PVT1: variants seen among roughly 807,000 people sequenced by gnomAD.
The protein encoded by PVT1 is Pvt1 oncogene.
chr8:127,907,740 C>A (rs1280176690), intron 3 of PVT1, among the ~76,000 whole-genome samples: 1 of 152,192 alleles, frequency 6.6e-6, no homozygotes, highest in African/African-American at 2.4e-5. Flanking sequence ...TCCACGAAAT[C>A]CTCACCGTTT....
intron 3 of PVT1, among the ~76,000 whole-genome samples, chr8:127,946,402 C>T (rs1816421452): frequency 6.6e-6 from 1 of 152,230 alleles, no homozygotes; most frequent in South Asian, 2.1e-4. Context: ...CATCTTCCAT[C>T]TTTCAAATGT....
chr8:127,967,014 A>G (rs1453051780), intron 3 of PVT1, among the ~76,000 whole-genome samples: 1 of 152,190 alleles, frequency 6.6e-6, no homozygotes, highest in Non-Finnish European at 1.5e-5. Flanking sequence ...CCAGAAAGGA[A>G]AATCCCGAGG....
intron 2 of PVT1, among the ~76,000 whole-genome samples, chr8:127,838,492 G>C (rs1384021098): frequency 2.0e-5 from 3 of 152,076 alleles, no homozygotes; most frequent in Non-Finnish European, 4.4e-5. Context: ...ATTACCTGAG[G>C]TCAGGAGTTC....
At chr8:128,012,498 A>G (rs1023872307) in intron 4 of PVT1, among the ~76,000 whole-genome samples, 7 of 151,798 alleles carry the variant, frequency 4.6e-5, no homozygotes, top group African/African-American at 1.5e-4. Flanking sequence ...AAGGTTTTCA[A>G]CTCTTCTTGG....
intron 3 of PVT1, among the ~76,000 whole-genome samples, chr8:127,943,020 T>G (rs1355329100): frequency 6.6e-6 from 1 of 152,228 alleles, no homozygotes; most frequent in African/African-American, 2.4e-5. Flanking sequence ...GGTCTCCTTT[T>G]GTTCTGTCTT....
At chr8:128,063,947 G>T (rs566843835) in intron 4 of PVT1, among the ~76,000 whole-genome samples, 1 of 152,120 alleles carries the variant, frequency 6.6e-6, no homozygotes, top group East Asian at 1.9e-4. Flanking sequence ...TCAAAACATC[G>T]TGTTGTAAAT....
chr8:127,929,137 T>A (rs188284098), intron 3 of PVT1, among the ~76,000 whole-genome samples: 1 of 151,832 alleles, frequency 6.6e-6, no homozygotes, highest in African/African-American at 2.4e-5. Flanking sequence ...GGGAGAGTCC[T>A]GGCATTGCAT....
At chr8:128,032,184 C>G (rs1460979984) in intron 4 of PVT1, among the ~76,000 whole-genome samples, 3 of 152,228 alleles carry the variant, frequency 2.0e-5, no homozygotes, top group Non-Finnish European at 4.4e-5. Context: ...TCGGTGGAGT[C>G]TGTGAGGCCC....
intron 2 of PVT1, among the ~76,000 whole-genome samples, chr8:127,822,544 T>A (rs1441622783): frequency 6.6e-6 from 1 of 152,080 alleles, no homozygotes; most frequent in African/African-American, 2.4e-5. Context: ...GCTACTGCAC[T>A]CCAGCCTGGG....
chr8:128,060,891 G>T (rs1813821922), intron 4 of PVT1, among the ~76,000 whole-genome samples: 1 of 148,838 alleles, frequency 6.7e-6, no homozygotes. Flanking sequence ...TCTATCCCCA[G>T]TCCTAGGCAA....
intron 2 of PVT1, among the ~76,000 whole-genome samples, chr8:127,853,225 G>A (rs4339604): frequency 0.085 from 12,902 of 152,196 alleles, 621 homozygotes; most frequent in Middle Eastern, 0.11. Flanking sequence ...GCCGGGGAAA[G>A]TGACTCCTGC....
intron 3 of PVT1, among the ~76,000 whole-genome samples, chr8:127,903,900 T>C (rs911202182): frequency 6.6e-6 from 1 of 152,180 alleles, no homozygotes; most frequent in African/African-American, 2.4e-5. Flanking sequence ...ATTGCTTTGG[T>C]CATTCAGGCT....
chr8:127,981,225 A>G (rs944983090), intron 3 of PVT1, among the ~76,000 whole-genome samples: 5 of 152,134 alleles, frequency 3.3e-5, no homozygotes, highest in African/African-American at 1.2e-4. Flanking sequence ...TCTCAAGGAG[A>G]ACTAGAGATT....
chr8:128,043,145 G>T (rs992413898), intron 4 of PVT1, among the ~76,000 whole-genome samples: 3 of 152,174 alleles, frequency 2.0e-5, no homozygotes, highest in African/African-American at 7.2e-5. Context: ...CCCTCCATTA[G>T]CATCCACTTA....
At chr8:127,976,644 C>T (rs1368055318) in intron 3 of PVT1, among the ~76,000 whole-genome samples, 1 of 152,172 alleles carries the variant, frequency 6.6e-6, no homozygotes, top group African/African-American at 2.4e-5. Flanking sequence ...ATTAACCAGG[C>T]ATCAGGGGCT....
intron 2 of PVT1, among the ~76,000 whole-genome samples, chr8:127,842,240 T>C (rs1168104940): frequency 1.4e-5 from 2 of 145,776 alleles, no homozygotes; most frequent in Non-Finnish European, 3.0e-5. Context: ...TTTGCTCTTT[T>C]GTGGAACTGC....
At chr8:127,974,802 C>T (rs1457831528) in intron 3 of PVT1, among the ~76,000 whole-genome samples, 1 of 152,140 alleles carries the variant, frequency 6.6e-6, no homozygotes, top group Non-Finnish European at 1.5e-5. Flanking sequence ...GTAACTCTTC[C>T]TTGACTAATC....
chr8:127,958,248 C>A (rs1816595171), intron 3 of PVT1, among the ~76,000 whole-genome samples: 1 of 150,736 alleles, frequency 6.6e-6, no homozygotes, highest in Admixed American at 6.6e-5. Flanking sequence ...TCTTTTCTTT[C>A]TTTTTTTTTG....
chr8:127,842,180 A>C (rs1814981994), intron 2 of PVT1, among the ~76,000 whole-genome samples: 1 of 150,920 alleles, frequency 6.6e-6, no homozygotes, highest in Non-Finnish European at 1.5e-5. Context: ...TCCTCTTTAA[A>C]TTTTTTTTAA....
Sources: gnomAD v4.1 joint callset for allele counts (sites outside exome capture counted in the v4.1 genomes callset) on GRCh38, gnomAD v4.1.1 for gene constraint, MANE v1.5 for transcripts, NCBI Gene and HGNC (gene_info 2026-07-23, HGNC 2026-07-21) for gene names.